The following SLC47A1 variants were observed in gnomAD, a reference collection of about 807,000 sequenced individuals.
SLC47A1 encodes multidrug and toxin extrusion protein 1.
Under a neutral mutation model 65.8 loss-of-function variants are expected in SLC47A1, and 58 were observed. The ratio of observed to expected loss-of-function variants is 0.88; its 90% confidence interval spans 0.71 to 1.10. The LOEUF (loss-of-function observed/expected upper bound fraction) is 1.10, where lower values mean the gene tolerates loss of function less well. Among genes scored for constraint, SLC47A1 ranks in the 50% least tolerant of loss-of-function variants. The pLI, the probability that SLC47A1 is intolerant of heterozygous loss-of-function variation, is 0.00. For synonymous variants in SLC47A1, 285 were observed against 295.0 expected, an observed-to-expected ratio of 0.97 and a Z score of 0.35; for missense variants, 706 against 719.2, an observed-to-expected ratio of 0.98 and a Z score of 0.21.
chr17:19,533,874 T>TGCTGGCCTGCGCGGTACC lies in SLC47A1; in HGVS notation c.-66_-65insGCTGGCCTGCGCGGTACC. ...TACCCACTGCCGGCCTGCGCGGTAC[T>TGCTGGCCTGCGCGGTACC]CACTGCCGGCCTCCGCGGTACCCAC... On this transcript the variant is annotated 5_prime_UTR_variant, in exon 1 of 17. Transcript: ENST00000270570. 1.4e-6 allele frequency: 2 copies of TGCTGGCCTGCGCGGTACC among 1,380,840 alleles called. No individual in the cohort carries two copies. Among genetic ancestry groups the TGCTGGCCTGCGCGGTACC allele is most frequent in the Non-Finnish European group, 1.9e-6 (2 of 1,067,824 alleles). 85.5% of individuals were successfully genotyped at this position (1,380,840 alleles called of 1,614,324 possible).
At chr17:19,534,223 G>A (rs1915928270) in intron 1 of SLC47A1, 149 bp downstream of exon 1, 2 of 1,069,690 alleles carry the variant, frequency 1.9e-6, no homozygotes, top group Non-Finnish European at 2.5e-6. Flanking sequence ...GAGCCGGGCG[G>A]GCACCCCAGC....
intron 10 of SLC47A1, among the ~76,000 whole-genome samples, chr17:19,556,931 G>A (rs1226995991): frequency 6.6e-6 from 1 of 152,220 alleles, no homozygotes; most frequent in Non-Finnish European, 1.5e-5. Context: ...GCGGGTAAAT[G>A]AAATGGGTTC....
At chr17:19,555,525 T>G in intron 7 of SLC47A1, 68 bp from the exon 8 acceptor site, 2 of 1,502,978 alleles carry the variant, frequency 1.3e-6, no homozygotes, top group Non-Finnish European at 1.9e-6. Context: ...GAGTCTCCCC[T>G]CCTCACTGAG....
At chr17:19,576,177 CT>C (rs1670113434) in intron 16 of SLC47A1, among the ~76,000 whole-genome samples, 2 of 150,800 alleles carry the variant, frequency 1.3e-5, no homozygotes, top group South Asian at 4.3e-4. Flanking sequence ...GGAAAAGTCT[CT>C]TTCAAGGCCT....
intron 10 of SLC47A1, 149 bp downstream of exon 10, chr17:19,556,211 TAC>T: frequency 1.1e-6 from 1 of 872,456 alleles, no homozygotes; most frequent in Non-Finnish European, 1.8e-6. Flanking sequence ...CCTGGGAGGG[TAC>T]CTCTGCTACA....
intron 1 of SLC47A1, among the ~76,000 whole-genome samples, chr17:19,540,555 C>T (rs369235529): frequency 2.0e-5 from 3 of 152,192 alleles, no homozygotes; most frequent in Admixed American, 1.3e-4. Context: ...GTGGTGACAA[C>T]GCCCAAATCG....
At chr17:19,567,287 C>G in intron 14 of SLC47A1, 59 bp downstream of exon 14, 2 of 1,608,286 alleles carry the variant, frequency 1.2e-6, no homozygotes, top group Non-Finnish European at 1.7e-6. Context: ...AAATGACCGT[C>G]GGAGCACACG....
chr17:19,561,123 T>C (rs1490137431), intron 12 of SLC47A1, among the ~76,000 whole-genome samples: 3 of 151,546 alleles, frequency 2.0e-5, no homozygotes, highest in African/African-American at 7.3e-5. Flanking sequence ...CTGGTCATGG[T>C]GGCACACGCC....
rs905929556 is a variant in SLC47A1, at chr17:19,551,295, C to T, written c.499-129C>T. ...CCCAGCCCTGTCCTGAGACGACAGC[C>T]TCTGTGGCTCCGTGCGGGAGCAGAG... On this transcript the variant is annotated intron_variant, in intron 5 of 16. Transcript: ENST00000270570. The T allele has an allele frequency of 2.6e-5, 22 of 831,350 alleles. No homozygotes were observed. In the Admixed American group the frequency reaches 3.3e-4, roughly 12 times the overall value. The allele number at this position is 831,350 out of a possible 1,614,324, so 51.5% of individuals were successfully genotyped here.
chr17:19,556,095 A>G, intron 10 of SLC47A1, 33 bp downstream of exon 10: 1 of 1,611,644 alleles, frequency 6.2e-7, no homozygotes, highest in Admixed American at 1.7e-5. Flanking sequence ...GGGAGGTGCC[A>G]GGCGTTTTCC....
rs1161322566 is a variant in SLC47A1 at position 19,555,701 on chromosome 17, C to A, written c.739+11C>A. On this transcript the variant is annotated intron_variant, in intron 8 of 16. Coordinates refer to ENST00000270570, the MANE Select transcript of SLC47A1 (RefSeq NM_018242.3). ...AAGCTACATGGGGAGGTAATGACTG[C>A]CCTTTTGTCTTCCAACTGGGATGTG... The A allele has an allele frequency of 6.2e-7, 1 of 1,613,974 alleles. No individual in the cohort carries two copies. The highest frequency in any genetic ancestry group is 1.7e-5 in the Admixed American group (1 of 60,020).
intron 6 of SLC47A1, 111 bp downstream of exon 6, chr17:19,551,579 C>T (rs1314068620): frequency 3.3e-6 from 3 of 911,006 alleles, no homozygotes; most frequent in African/African-American, 1.7e-5. Context: ...GGAGGGAGCT[C>T]ACTGCTGGGA....
At chr17:19,571,373 G>A in intron 14 of SLC47A1, 105 bp from the exon 15 acceptor site, 1 of 916,976 alleles carries the variant, frequency 1.1e-6, no homozygotes, top group Non-Finnish European at 1.7e-6. Context: ...AGCCATGAAA[G>A]CAGATATTCA....
intron 12 of SLC47A1, among the ~76,000 whole-genome samples, chr17:19,562,944 G>T (rs950450097): frequency 7.9e-5 from 12 of 151,908 alleles, no homozygotes; most frequent in African/African-American, 2.9e-4. Context: ...AAATAAAGGG[G>T]GACGTTACTA....
At chr17:19,541,869 G>A (rs958361811) in intron 1 of SLC47A1, among the ~76,000 whole-genome samples, 8 of 152,228 alleles carry the variant, frequency 5.3e-5, no homozygotes, top group Admixed American at 5.2e-4. Flanking sequence ...GCTCACGCCT[G>A]TAATCCCAGC....
At chr17:19,551,551 G>T in intron 6 of SLC47A1, 83 bp downstream of exon 6, 1 of 1,255,264 alleles carries the variant, frequency 8.0e-7, no homozygotes. Context: ...GATACTCCAG[G>T]ACCAGGGACC....
At chr17:19,569,875 G>A (rs1352676893) in intron 14 of SLC47A1, among the ~76,000 whole-genome samples, 1 of 152,226 alleles carries the variant, frequency 6.6e-6, no homozygotes, top group Non-Finnish European at 1.5e-5. Flanking sequence ...TGAGAACACT[G>A]GATTTGAAAG....
rs2084361839 is a variant in SLC47A1 at position 19,566,844 on chromosome 17, CTT to C, written c.1163_1164del (p.Phe388Ter). ...VVPIYAVSHL[F>X]EALACTSGGV... is the part of the protein sequence containing the mutation. ...TTCCAATTTATGCTGTTTCCCACCTCTTTGAAGCTCTTGCTGTAAGTATTATG... is the reference window on the plus strand; with the variant it reads ...TTCCAATTTATGCTGTTTCCCACCTCTGAAGCTCTTGCTGTAAGTATTATG... On this transcript the variant is annotated frameshift_variant, in exon 13 of 17. Coordinates refer to ENST00000270570, the MANE Select transcript of SLC47A1 (RefSeq NM_018242.3). LOFTEE classifies it high-confidence loss of function. 6.2e-7 allele frequency: 1 copy of C among 1,614,062 alleles called. No individual in the cohort carries two copies. The highest frequency in any genetic ancestry group is 1.7e-5 in the Admixed American group (1 of 60,000).
chr17:19,541,855 A>C (rs1000402339), intron 1 of SLC47A1, among the ~76,000 whole-genome samples: 1 of 152,324 alleles, frequency 6.6e-6, no homozygotes, highest in Admixed American at 6.5e-5. Flanking sequence ...GGCTGGGCGC[A>C]GTGGCTCACG....
Sources: gnomAD v4.1 joint callset for allele counts (sites outside exome capture counted in the v4.1 genomes callset) on GRCh38, gnomAD v4.1.1 for gene constraint, MANE v1.5 for transcripts, NCBI Gene and HGNC (gene_info 2026-07-23, HGNC 2026-07-21) for gene names.